Variants in HMGCLL1 observed in about 807,000 individuals in gnomAD.
The protein encoded by HMGCLL1 is 3-hydroxy-3-methylglutaryl-CoA lyase like 1.
HMGCLL1 carries 36 observed loss-of-function variants against 39.1 expected under a neutral mutation model. That is an observed-to-expected ratio of 0.92 (90% CI 0.71 to 1.22). The LOEUF (loss-of-function observed/expected upper bound fraction) is 1.22. Ranked by LOEUF, HMGCLL1 falls within the 50% of genes most tolerant of loss-of-function variation. The pLI, the probability that HMGCLL1 is intolerant of heterozygous loss-of-function variation, is 0.00. For missense variants in HMGCLL1, 451 were observed against 416.5 expected (o/e 1.08, Z -0.72); for synonymous variants, 149 against 144.0 (o/e 1.03, Z -0.25).
intron 6 of HMGCLL1, 51 bp downstream of exon 6, chr6:55,499,185 A>G: frequency 7.1e-7 from 1 of 1,409,260 alleles, no homozygotes; most frequent in Non-Finnish European, 9.8e-7. Flanking sequence ...CCTTTTAAAA[A>G]TAATATATAT....
At chr6:55,577,045 GTGTAGATAGTGA>G in intron 1 of HMGCLL1, 1 of 1,611,916 alleles carries the variant, frequency 6.2e-7, no homozygotes, top group South Asian at 1.1e-5. Context: ...ACTAGGAAGA[GTGTAGATAGTGA>G]TGGGGCATCT....
the HMGCLL1 span, among the ~76,000 whole-genome samples, chr6:55,676,402 G>A: frequency 2.0e-5 from 3 of 152,170 alleles, no homozygotes; most frequent in South Asian, 2.1e-4. Flanking sequence ...TCAGACCAAC[G>A]TCTTCCAAAA....
At chr6:55,508,665 T>C (rs1767286824) in intron 5 of HMGCLL1, among the ~76,000 whole-genome samples, 1 of 151,856 alleles carries the variant, frequency 6.6e-6, no homozygotes, top group Non-Finnish European at 1.5e-5. Context: ...TTCACTTTGT[T>C]ATATCCTTGT....
At chr6:55,648,899 CAG>C in the HMGCLL1 span, among the ~76,000 whole-genome samples, 3 of 142,496 alleles carry the variant, frequency 2.1e-5, no homozygotes, top group Non-Finnish European at 3.0e-5. Context: ...CAAAGCCGGG[CAG>C]AGACACAACC....
intron 3 of HMGCLL1, among the ~76,000 whole-genome samples, chr6:55,522,300 T>TG (rs1186083253): frequency 6.6e-6 from 1 of 151,974 alleles, no homozygotes; most frequent in East Asian, 1.9e-4. Flanking sequence ...TAGGAATTAA[T>TG]TTTTAACATT....
At chr6:55,641,164 A>G in the HMGCLL1 span, among the ~76,000 whole-genome samples, 1 of 151,870 alleles carries the variant, frequency 6.6e-6, no homozygotes, top group South Asian at 2.1e-4. Context: ...AGTAACAAAA[A>G]CTATGTATTT....
At chr6:55,532,421 T>C (rs1478466121) in intron 3 of HMGCLL1, among the ~76,000 whole-genome samples, 1 of 152,142 alleles carries the variant, frequency 6.6e-6, no homozygotes, top group Admixed American at 6.5e-5. Context: ...GAAGTTGTTG[T>C]TGAATGCTGA....
At chr6:55,623,120 CTTTG>C in the HMGCLL1 span, among the ~76,000 whole-genome samples, 37 of 151,980 alleles carry the variant, frequency 2.4e-4, 1 homozygote, top group East Asian at 6.2e-3. Flanking sequence ...TCATCTCTGA[CTTTG>C]TTTGATTCCT....
chr6:55,649,631 C>T, the HMGCLL1 span, among the ~76,000 whole-genome samples: 1 of 151,896 alleles, frequency 6.6e-6, no homozygotes, highest in African/African-American at 2.4e-5. Flanking sequence ...TTCTCAAGGC[C>T]TGGAAAGTTG....
chr6:55,629,004 T>C, the HMGCLL1 span, among the ~76,000 whole-genome samples: 1 of 152,132 alleles, frequency 6.6e-6, no homozygotes, highest in Admixed American at 6.6e-5. Flanking sequence ...ATACAGTAAA[T>C]TGGTATCAGT....
chr6:55,645,769 T>A, the HMGCLL1 span, among the ~76,000 whole-genome samples: 2 of 151,998 alleles, frequency 1.3e-5, no homozygotes, highest in African/African-American at 4.8e-5. Context: ...GAAAAAGATC[T>A]TTTTAGTATG....
chr6:55,570,976 A>C (rs996550740), intron 1 of HMGCLL1, among the ~76,000 whole-genome samples: 4 of 152,208 alleles, frequency 2.6e-5, no homozygotes, highest in African/African-American at 9.6e-5. Context: ...AACCCCTTAT[A>C]AAGCCATCAG....
At chr6:55,525,589 C>A (rs1311145695) in intron 3 of HMGCLL1, among the ~76,000 whole-genome samples, 1 of 151,958 alleles carries the variant, frequency 6.6e-6, no homozygotes, top group African/African-American at 2.4e-5. Flanking sequence ...GGAACCGACT[C>A]AGTATGTGTC....
the HMGCLL1 span, among the ~76,000 whole-genome samples, chr6:55,620,691 T>G: frequency 6.6e-6 from 1 of 151,952 alleles, no homozygotes; most frequent in South Asian, 2.1e-4. Flanking sequence ...CAGACTAATG[T>G]ACTGGAAAGT....
intron 5 of HMGCLL1, among the ~76,000 whole-genome samples, chr6:55,505,491 A>G (rs977564885): frequency 1.3e-5 from 2 of 151,776 alleles, no homozygotes; most frequent in African/African-American, 4.8e-5. Flanking sequence ...AATGAACAAT[A>G]TATTTTGAGA....
At chr6:55,642,845 T>C in the HMGCLL1 span, among the ~76,000 whole-genome samples, 3 of 152,036 alleles carry the variant, frequency 2.0e-5, no homozygotes, top group Non-Finnish European at 4.4e-5. Context: ...TTTGTGTTAA[T>C]ATGTACTCAT....
the HMGCLL1 span, among the ~76,000 whole-genome samples, chr6:55,670,156 T>C: frequency 4.6e-5 from 7 of 151,328 alleles, no homozygotes; most frequent in East Asian, 3.9e-4. Flanking sequence ...GACTATGGAG[T>C]TCTTATTATA....
chr6:55,653,246 TC>T, the HMGCLL1 span, among the ~76,000 whole-genome samples: 19 of 152,070 alleles, frequency 1.2e-4, no homozygotes, highest in African/African-American at 2.4e-4. Flanking sequence ...AAAAAGTTCT[TC>T]CCCAGTATTT....
the HMGCLL1 span, among the ~76,000 whole-genome samples, chr6:55,638,971 C>T: frequency 6.6e-6 from 1 of 152,046 alleles, no homozygotes; most frequent in South Asian, 2.1e-4. Context: ...CCCAGGCAAA[C>T]ACAGGAAAAT....
Sources: gnomAD v4.1 joint callset for allele counts (sites outside exome capture counted in the v4.1 genomes callset) on GRCh38, gnomAD v4.1.1 for gene constraint, MANE v1.5 for transcripts, NCBI Gene and HGNC (gene_info 2026-07-23, HGNC 2026-07-21) for gene names.